The following KCNMA1 variants were observed in gnomAD, a reference collection of about 807,000 sequenced individuals.
The protein encoded by KCNMA1 is Calcium-activated potassium channel subunit alpha-1.
In KCNMA1, 29 loss-of-function variants were observed where a neutral mutation model predicts 140.0. The observed-to-expected ratio is 0.21, with a 90% CI of 0.15 to 0.28. The LOEUF is 0.28. Ranked by LOEUF, KCNMA1 falls within the 10% of genes least tolerant of loss-of-function variation. The pLI, the probability that KCNMA1 is intolerant of heterozygous loss-of-function variation, is 1.00. For missense variants in KCNMA1, 880 were observed against 1,602.2 expected (o/e 0.55, Z 7.70); for synonymous variants, 612 against 611.9 (o/e 1.00, Z 0.00).
chr10:77,100,022 C>G (rs911237844), intron 9 of KCNMA1, among the ~76,000 whole-genome samples: 3 of 152,182 alleles, frequency 2.0e-5, no homozygotes, highest in African/African-American at 7.2e-5. Context: ...TTGTACACTT[C>G]CATGATTTCA....
intron 2 of KCNMA1, among the ~76,000 whole-genome samples, chr10:77,357,168 G>A (rs905008631): frequency 6.6e-6 from 1 of 152,210 alleles, no homozygotes; most frequent in African/African-American, 2.4e-5. Context: ...AGCCTGAAGA[G>A]AAGCCTAACC....
chr10:77,481,037 G>A (rs1252518485), intron 1 of KCNMA1, among the ~76,000 whole-genome samples: 1 of 149,900 alleles, frequency 6.7e-6, no homozygotes, highest in Non-Finnish European at 1.5e-5. Flanking sequence ...GGAGAATCTC[G>A]AACCTGGAAG....
At chr10:76,959,342 A>C (rs2069906898) in intron 20 of KCNMA1, among the ~76,000 whole-genome samples, 1 of 152,244 alleles carries the variant, frequency 6.6e-6, no homozygotes. Flanking sequence ...CCTTAGTGAC[A>C]GTATACCATA....
intron 1 of KCNMA1, among the ~76,000 whole-genome samples, chr10:77,631,008 G>A (rs940738126): frequency 2.7e-5 from 4 of 150,406 alleles, no homozygotes; most frequent in South Asian, 2.1e-4. Context: ...TTGGGGAGCT[G>A]AGGCAAGAGG....
chr10:77,098,981 T>C (rs1156710190), intron 9 of KCNMA1, among the ~76,000 whole-genome samples: 1 of 152,120 alleles, frequency 6.6e-6, no homozygotes, highest in Non-Finnish European at 1.5e-5. Flanking sequence ...CAATGCTAGA[T>C]GGTTCTCTGC....
chr10:77,343,346 G>A (rs1438631217), intron 2 of KCNMA1, among the ~76,000 whole-genome samples: 1 of 152,170 alleles, frequency 6.6e-6, no homozygotes. Flanking sequence ...TGATTGTATA[G>A]ATAAAGAAAT....
At chr10:77,185,842 G>C (rs2098845462) in intron 3 of KCNMA1, among the ~76,000 whole-genome samples, 2 of 152,114 alleles carry the variant, frequency 1.3e-5, no homozygotes, top group Admixed American at 1.3e-4. Context: ...GCTGTGAATG[G>C]AAATTCACAT....
At chr10:77,230,695 A>G (rs929884804) in intron 3 of KCNMA1, among the ~76,000 whole-genome samples, 13 of 152,180 alleles carry the variant, frequency 8.5e-5, no homozygotes, top group Non-Finnish European at 1.5e-4. Flanking sequence ...ATATTGAGAG[A>G]AATAATTCTT....
intron 23 of KCNMA1, among the ~76,000 whole-genome samples, chr10:76,937,617 T>A (rs1409033584): frequency 3.3e-5 from 5 of 152,218 alleles, no homozygotes; most frequent in Non-Finnish European, 4.4e-5. Flanking sequence ...TTAGAGATCC[T>A]AATCCACACT....
intron 19 of KCNMA1, among the ~76,000 whole-genome samples, chr10:76,985,546 A>G (rs2081031562): frequency 6.6e-6 from 1 of 152,238 alleles, no homozygotes; most frequent in African/African-American, 2.4e-5. Context: ...CTAAGATTAC[A>G]TCTATAAAAT....
At chr10:77,330,941 G>C (rs900919698) in intron 2 of KCNMA1, among the ~76,000 whole-genome samples, 1 of 152,276 alleles carries the variant, frequency 6.6e-6, no homozygotes, top group Non-Finnish European at 1.5e-5. Context: ...CAAGTGTTTG[G>C]CACAGAGATG....
chr10:76,914,281 A>C lies in KCNMA1; in HGVS notation c.3016+655T>G, dbSNP rs916805556. 6.2e-6 allele frequency: 4 copies of C among 649,932 alleles called. No individual in the cohort carries two copies. In the Admixed American group the frequency reaches 1.0e-4, roughly 17 times the overall value. 40.3% of individuals were successfully genotyped at this position (649,932 alleles called of 1,614,324 possible). A position where few individuals can be genotyped will look rare whatever the true frequency, so the allele number is the denominator to read the frequency against. On this transcript the variant is annotated intron_variant, in intron 24 of 27. Transcript: ENST00000286628. ...TAGTTTGCATTTGTCTTGGGGGAAG[A>C]GGCCACTCTACAGTTTTGCACACTC...
intron 1 of KCNMA1, among the ~76,000 whole-genome samples, chr10:77,610,522 C>T (rs771866128): frequency 1.3e-5 from 2 of 152,234 alleles, no homozygotes; most frequent in African/African-American, 4.8e-5. Context: ...AGTCGGCCAG[C>T]GGTGCTGTCT....
chr10:77,082,898 G>A (rs1048360518), intron 12 of KCNMA1, among the ~76,000 whole-genome samples: 1 of 152,206 alleles, frequency 6.6e-6, no homozygotes, highest in Non-Finnish European at 1.5e-5. Context: ...AGATGCTTAA[G>A]GGAGGACTGG....
rs531458112 is a variant in KCNMA1 at position 77,112,578 on chromosome 10, G to A, written c.885-136C>T. ...TCCCAACCATTTCTCCATTATAAGG[G>A]AATTCTGGAAGGTGGAGGAAGCTGC... On this transcript the variant is annotated intron_variant, in intron 6 of 27. Coordinates refer to ENST00000286628, the MANE Select transcript of KCNMA1 (RefSeq NM_001161352.2). 3.1e-4 allele frequency: 214 copies of A among 700,138 alleles called. 1 individual carries two copies. Among genetic ancestry groups the A allele is most frequent in the Middle Eastern group, 1.4e-3 (4 of 2,832 alleles). The allele number at this position is 700,138 out of a possible 1,614,324, so 43.4% of individuals were successfully genotyped here. A position where few individuals can be genotyped will look rare whatever the true frequency, so the allele number is the denominator to read the frequency against.
intron 1 of KCNMA1, among the ~76,000 whole-genome samples, chr10:77,631,011 G>A (rs1388122854): frequency 6.8e-6 from 1 of 146,248 alleles, no homozygotes; most frequent in Non-Finnish European, 1.5e-5. Flanking sequence ...GGGAGCTGAG[G>A]CAAGAGGATC....
intron 20 of KCNMA1, among the ~76,000 whole-genome samples, chr10:76,968,877 G>A (rs1397435198): frequency 6.6e-6 from 1 of 152,212 alleles, no homozygotes; most frequent in African/African-American, 2.4e-5. Flanking sequence ...CAGAAAGGTG[G>A]ATGTGGAGGG....
At chr10:77,551,649 T>C (rs78570878) in intron 1 of KCNMA1, among the ~76,000 whole-genome samples, 2 of 152,310 alleles carry the variant, frequency 1.3e-5, no homozygotes, top group Non-Finnish European at 2.9e-5. Flanking sequence ...TAAATATTTC[T>C]GATGAGCACA....
At chr10:77,631,635 TGA>T (rs768810840) in intron 1 of KCNMA1, among the ~76,000 whole-genome samples, 5 of 152,002 alleles carry the variant, frequency 3.3e-5, no homozygotes, top group Non-Finnish European at 5.9e-5. Context: ...CATGCCCTGA[TGA>T]GAGAGAGAGA....
Sources: allele counts gnomAD v4.1 joint callset (sites outside exome capture counted in the v4.1 genomes callset), GRCh38; gene constraint gnomAD v4.1.1; transcripts MANE v1.5; gene names NCBI Gene and HGNC (gene_info 2026-07-23, HGNC 2026-07-21).